The following ELP4 variants were observed in gnomAD, a reference collection of about 807,000 sequenced individuals.
ELP4 encodes elongator complex protein 4.
A neutral mutation model predicts 48.9 loss-of-function variants in ELP4; 51 were observed. The ratio of observed to expected loss-of-function variants is 1.04; its 90% CI spans 0.83 to 1.32. The LOEUF is 1.32. ELP4 is among the 40% of genes most tolerant of loss of function. The pLI, the probability that ELP4 is intolerant of heterozygous loss-of-function variation, is 0.00. For missense variants in ELP4, 519 were observed against 514.6 expected (o/e 1.01, Z -0.08); for synonymous variants, 210 against 189.2 (o/e 1.11, Z -0.90).
intron 5 of ELP4, among the ~76,000 whole-genome samples, chr11:31,608,048 T>G (rs1259114288): frequency 1.3e-5 from 2 of 152,068 alleles, no homozygotes; most frequent in Non-Finnish European, 2.9e-5. Flanking sequence ...AATTTTTTTT[T>G]TTTTTTAGGG....
At chr11:31,576,417 A>G (rs1019832689) in intron 3 of ELP4, among the ~76,000 whole-genome samples, 18 of 152,336 alleles carry the variant, frequency 1.2e-4, no homozygotes, top group African/African-American at 4.3e-4. Flanking sequence ...CCAGGAATTG[A>G]ACGCAGCTCT....
intron 7 of ELP4, among the ~76,000 whole-genome samples, chr11:31,642,478 T>G (rs1299118280): frequency 2.6e-5 from 4 of 151,898 alleles, no homozygotes; most frequent in Non-Finnish European, 5.9e-5. Flanking sequence ...TTTTTCACCA[T>G]CAAGGTTAGG....
At chr11:31,546,272 A>T (rs1285708871) in intron 3 of ELP4, among the ~76,000 whole-genome samples, 2 of 152,082 alleles carry the variant, frequency 1.3e-5, no homozygotes, top group Non-Finnish European at 2.9e-5. Context: ...TAGGCTCAAA[A>T]TAAAAGGATG....
At chr11:31,638,608 T>C (rs1485974631) in intron 7 of ELP4, among the ~76,000 whole-genome samples, 7 of 151,888 alleles carry the variant, frequency 4.6e-5, no homozygotes, top group Admixed American at 3.3e-4. Flanking sequence ...AGATTTTATT[T>C]AGTGTGTTAT....
intron 9 of ELP4, among the ~76,000 whole-genome samples, chr11:31,727,411 A>G (rs1308876368): frequency 6.6e-6 from 1 of 152,174 alleles, no homozygotes; most frequent in Non-Finnish European, 1.5e-5. Flanking sequence ...TCTTTCTAAT[A>G]TAGCACTTCT....
chr11:31,695,450 T>C (rs1946380607), intron 9 of ELP4, among the ~76,000 whole-genome samples: 1 of 152,032 alleles, frequency 6.6e-6, no homozygotes, highest in Non-Finnish European at 1.5e-5. Flanking sequence ...GTTTATACGA[T>C]GGATTACATT....
rs192498899 is a variant in ELP4, at chr11:31,540,054, A to G, written c.381+271A>G. 9.8e-4 allele frequency among the ~76,000 whole-genome samples: 149 copies of G among 152,332 alleles called. 2 individuals are homozygous for G. Among genetic ancestry groups the G allele is most frequent in the African/African-American group, 3.2e-3 (134 of 41,586 alleles). On this transcript the variant is annotated intron_variant, in intron 3 of 9. Coordinates refer to ENST00000640961, the MANE Select transcript of ELP4 (RefSeq NM_019040.5). ...CTAAAAACTGACACTAAATAAAATT[A>G]CTAGACCAGGCATTCACAAAAGTCA...
intron 3 of ELP4, among the ~76,000 whole-genome samples, chr11:31,555,197 A>G (rs1249255903): frequency 6.6e-6 from 1 of 152,084 alleles, no homozygotes; most frequent in Non-Finnish European, 1.5e-5. Context: ...ATGTACTATC[A>G]AGGATTTGTA....
At chr11:31,736,747 C>G (rs1468540122) in intron 9 of ELP4, among the ~76,000 whole-genome samples, 1 of 152,190 alleles carries the variant, frequency 6.6e-6, no homozygotes, top group East Asian at 1.9e-4. Context: ...CACTGGCCAT[C>G]AGAGAAATGC....
intron 9 of ELP4, among the ~76,000 whole-genome samples, chr11:31,766,166 T>G (rs1948035602): frequency 6.6e-6 from 1 of 152,118 alleles, no homozygotes; most frequent in Admixed American, 6.6e-5. Flanking sequence ...CTTATGCATG[T>G]GAACAGTTTG....
intron 7 of ELP4, among the ~76,000 whole-genome samples, chr11:31,644,014 C>G (rs898129121): frequency 1.3e-5 from 2 of 151,770 alleles, no homozygotes; most frequent in African/African-American, 4.8e-5. Context: ...TGCCAGCAAA[C>G]TCTTAAAACT....
chr11:31,566,655 T>C (rs1230858280), intron 3 of ELP4, among the ~76,000 whole-genome samples: 1 of 152,184 alleles, frequency 6.6e-6, no homozygotes, highest in Admixed American at 6.5e-5. Flanking sequence ...GGCATTTGCA[T>C]CTGCTTACAA....
intron 9 of ELP4, among the ~76,000 whole-genome samples, chr11:31,675,563 A>G (rs975249207): frequency 1.3e-5 from 2 of 152,098 alleles, no homozygotes; most frequent in Non-Finnish European, 2.9e-5. Flanking sequence ...GCCCAGCTAC[A>G]TTTAATCTTT....
At chr11:31,771,503 T>G (rs10835818) in intron 9 of ELP4, among the ~76,000 whole-genome samples, 42,664 of 152,062 alleles carry the variant, frequency 0.28, 6,166 homozygotes, top group South Asian at 0.37. Flanking sequence ...CTACAAGATC[T>G]GACCACTGCG....
At chr11:31,707,588 G>A (rs77499308) in intron 9 of ELP4, among the ~76,000 whole-genome samples, 4,311 of 152,034 alleles carry the variant, frequency 0.028, 203 homozygotes, top group African/African-American at 0.099. Flanking sequence ...CAAGTGATAT[G>A]TGACTAATTT....
chr11:31,630,105 G>T (rs1944829174), intron 6 of ELP4, among the ~76,000 whole-genome samples: 1 of 151,666 alleles, frequency 6.6e-6, no homozygotes. Flanking sequence ...TGTCTTAGGT[G>T]GTTGTCTATC....
intron 9 of ELP4, among the ~76,000 whole-genome samples, chr11:31,699,737 A>T (rs1269947382): frequency 6.6e-6 from 1 of 152,138 alleles, no homozygotes; most frequent in African/African-American, 2.4e-5. Context: ...ATATGACCAG[A>T]TGATCAAGGT....
intron 3 of ELP4, among the ~76,000 whole-genome samples, chr11:31,564,235 T>G (rs1334642512): frequency 6.6e-6 from 1 of 152,152 alleles, no homozygotes; most frequent in African/African-American, 2.4e-5. Flanking sequence ...TGTTCCTTCT[T>G]TGTTCCCCAA....
intron 3 of ELP4, among the ~76,000 whole-genome samples, chr11:31,570,689 G>C (rs532283165): frequency 2.0e-5 from 3 of 151,552 alleles, no homozygotes; most frequent in African/African-American, 7.3e-5. Flanking sequence ...GGCCAGGCTG[G>C]TCTCGAACTC....
Sources: gnomAD v4.1 joint callset for allele counts (sites outside exome capture counted in the v4.1 genomes callset) on GRCh38, gnomAD v4.1.1 for gene constraint, MANE v1.5 for transcripts, NCBI Gene and HGNC (gene_info 2026-07-23, HGNC 2026-07-21) for gene names.